MCPH1: variants seen among roughly 807,000 people sequenced by gnomAD.
The protein encoded by MCPH1 is microcephalin 1.
MCPH1 carries 104 observed loss-of-function variants against 84.5 expected under a neutral mutation model. That is an observed-to-expected ratio of 1.23 (90% CI 1.05 to 1.45). The LOEUF is 1.45. Among genes scored for constraint, MCPH1 ranks in the 40% most tolerant of loss-of-function variants. The pLI is 0.00. For synonymous variants in MCPH1, 514 were observed against 366.8 expected (o/e 1.40, Z -4.58); for missense variants, 1,498 against 1,005.7 (o/e 1.49, Z -6.62).
chr8:6,409,435 C>T (rs1798228493), intron 2 of MCPH1, 65 bp downstream of exon 2: 2 of 1,339,854 alleles, frequency 1.5e-6, no homozygotes, highest in African/African-American at 1.4e-5. Context: ...GTTACATTTG[C>T]ATTTTCTTAT....
intron 12 of MCPH1, among the ~76,000 whole-genome samples, chr8:6,575,135 C>T (rs1826965876): frequency 6.6e-6 from 1 of 152,138 alleles, no homozygotes; most frequent in Non-Finnish European, 1.5e-5. Flanking sequence ...TAGAGTTTTC[C>T]TATTGCATGT....
intron 12 of MCPH1, among the ~76,000 whole-genome samples, chr8:6,558,185 C>G (rs964314664): frequency 2.0e-5 from 3 of 152,120 alleles, no homozygotes; most frequent in African/African-American, 7.2e-5. Flanking sequence ...AGAAGGAACG[C>G]TGTACATTTG....
intron 9 of MCPH1, among the ~76,000 whole-genome samples, chr8:6,464,522 C>G (rs1806639173): frequency 6.6e-6 from 1 of 152,172 alleles, no homozygotes; most frequent in East Asian, 1.9e-4. Flanking sequence ...ATGTGTGGTT[C>G]AGAAATTGTC....
intron 12 of MCPH1, chr8:6,563,299 G>C (rs1330955995): frequency 1.2e-5 from 2 of 171,270 alleles, no homozygotes; most frequent in Admixed American, 1.1e-4. Flanking sequence ...AGAGCAGCCA[G>C]ACATGTGTAG....
At chr8:6,465,924 G>GATGCATCC (rs368134296) in intron 9 of MCPH1, among the ~76,000 whole-genome samples, 7,786 of 148,272 alleles carry the variant, frequency 0.053, 253 homozygotes, top group Middle Eastern at 0.12. Flanking sequence ...TTTATCTATC[G>GATGCATCC]ATCCATCCAT....
chr8:6,445,817 C>T, intron 8 of MCPH1: 1 of 1,201,144 alleles, frequency 8.3e-7, no homozygotes, highest in Non-Finnish European at 1.0e-6. Flanking sequence ...GATAAGTAGT[C>T]CATAGTATGA....
chr8:6,497,506 AT>A lies in MCPH1; in HGVS notation c.2137-2345del, dbSNP rs142960801. Among the ~76,000 whole-genome samples the A allele has an allele frequency of 9.2e-3, 1,400 of 152,236 alleles. 19 individuals are homozygous for A. The highest frequency in any genetic ancestry group is 0.032 in the African/African-American group (1,318 of 41,520). ...GACAGAGGAAGACTGTCTAAAAAAA[AT>A]AGAAAAGGAAGTTGAAAACAGCTTA... On this transcript the variant is annotated intron_variant, in intron 11 of 13. Coordinates refer to ENST00000344683, the MANE Select transcript of MCPH1 (RefSeq NM_024596.5).
Position 6,521,341 on chromosome 8 carries a change from C to G in MCPH1, c.2214+21412C>G. ...ATACTAACACCTGTAGCTGATCTTT[C>G]TCTTCTTTTATTGACTGTAGTTGGA... On this transcript the variant is annotated intron_variant, in intron 12 of 13. Coordinates refer to ENST00000344683, the MANE Select transcript of MCPH1 (RefSeq NM_024596.5). 5 of 1,613,714 alleles carry G rather than the reference C, an allele frequency of 3.1e-6. No homozygotes were observed. The South Asian group carries it at 5.5e-5, about 18-fold the overall frequency.
chr8:6,615,041 G>C (rs1830664835), intron 12 of MCPH1, among the ~76,000 whole-genome samples: 1 of 152,212 alleles, frequency 6.6e-6, no homozygotes, highest in Admixed American at 6.5e-5. Context: ...CGCTCACACT[G>C]CGTAAGCACG....
chr8:6,525,371 A>G (rs1293748054), intron 12 of MCPH1, among the ~76,000 whole-genome samples: 2 of 152,176 alleles, frequency 1.3e-5, no homozygotes, highest in African/African-American at 4.8e-5. Flanking sequence ...GAGGGATTAC[A>G]GGTGTGTGCC....
intron 13 of MCPH1, among the ~76,000 whole-genome samples, chr8:6,632,934 A>G (rs1414398370): frequency 6.6e-6 from 1 of 152,230 alleles, no homozygotes; most frequent in Non-Finnish European, 1.5e-5. Flanking sequence ...AGGATAAATG[A>G]ATAGCATTAA....
chr8:6,418,930 A>G (rs1799720594), intron 3 of MCPH1, among the ~76,000 whole-genome samples: 1 of 151,912 alleles, frequency 6.6e-6, no homozygotes, highest in South Asian at 2.1e-4. Flanking sequence ...TTTTGAATTG[A>G]TCATTCCAGT....
Position 6,418,092 on chromosome 8 carries a change from C to G in MCPH1, c.233+3209C>G, listed in dbSNP as rs143410600. 3.0e-4 allele frequency among the ~76,000 whole-genome samples: 46 copies of G among 152,290 alleles called. No individual in the cohort carries two copies. In the East Asian group the frequency reaches 8.3e-3, roughly 27 times the overall value. On this transcript the variant is annotated intron_variant, in intron 3 of 13. Coordinates refer to ENST00000344683, the MANE Select transcript of MCPH1 (RefSeq NM_024596.5). ...AGGGGTCAGCCAGAGACTTGAACTTCTATACTCAGAATTTGGGGTTTCTCC... is the reference window on the plus strand; with the variant it reads ...AGGGGTCAGCCAGAGACTTGAACTTGTATACTCAGAATTTGGGGTTTCTCC...
At chr8:6,606,782 G>C (rs183955977) in intron 12 of MCPH1, among the ~76,000 whole-genome samples, 166 of 152,288 alleles carry the variant, frequency 1.1e-3, no homozygotes, top group African/African-American at 3.7e-3. Flanking sequence ...GAATCACAGG[G>C]ACAGGTCTTT....
chr8:6,420,266 C>A (rs773482224), intron 3 of MCPH1, among the ~76,000 whole-genome samples: 1 of 152,102 alleles, frequency 6.6e-6, no homozygotes, highest in Non-Finnish European at 1.5e-5. Flanking sequence ...TGTGGGTTCT[C>A]TGTTGTGGCA....
chr8:6,521,081 T>G, intron 12 of MCPH1: 1 of 832,750 alleles, frequency 1.2e-6, no homozygotes, highest in Non-Finnish European at 1.9e-6. Flanking sequence ...ATATGAGAAA[T>G]AGCGCCTTTT....
At chr8:6,492,733 AAAT>A (rs1563282838) in intron 11 of MCPH1, among the ~76,000 whole-genome samples, 1 of 86,104 alleles carries the variant, frequency 1.2e-5, no homozygotes, top group African/African-American at 2.8e-5. Context: ...ATTATCAAAT[AAAT>A]ATTAATAATA....
At chr8:6,558,223 G>A (rs1824962238) in intron 12 of MCPH1, among the ~76,000 whole-genome samples, 1 of 152,002 alleles carries the variant, frequency 6.6e-6, no homozygotes, top group Admixed American at 6.6e-5. Context: ...TTAAATAAAG[G>A]GCTGGTAAAA....
chr8:6,612,457 T>C (rs1830367465), intron 12 of MCPH1, among the ~76,000 whole-genome samples: 1 of 152,150 alleles, frequency 6.6e-6, no homozygotes, highest in Non-Finnish European at 1.5e-5. Context: ...GGGCTACCCC[T>C]TTCTCCATTA....
Sources: allele counts gnomAD v4.1 joint callset (sites outside exome capture counted in the v4.1 genomes callset), GRCh38; gene constraint gnomAD v4.1.1; transcripts MANE v1.5; gene names NCBI Gene and HGNC (gene_info 2026-07-23, HGNC 2026-07-21).